The following RNPC3 variants were observed in gnomAD, a reference collection of about 807,000 sequenced individuals.
The protein encoded by RNPC3 is RNA binding region (RNP1, RRM) containing 3.
A neutral mutation model predicts 67.5 loss-of-function variants in RNPC3; 48 were observed. That is an observed-to-expected ratio of 0.71 (90% CI 0.56 to 0.90). The LOEUF (loss-of-function observed/expected upper bound fraction) is 0.90. Ranked by LOEUF, RNPC3 falls within the 40% of genes least tolerant of loss-of-function variation. The probability of loss-of-function intolerance (pLI) is 0.00; values close to 1 mark genes in which losing one functional copy is unlikely to be tolerated. For missense variants in RNPC3, 637 were observed against 626.1 expected (o/e 1.02, Z -0.19); for synonymous variants, 239 against 210.3 (o/e 1.14, Z -1.18).
At chr1:103,554,161 C>T (rs1357055836) in intron 14 of RNPC3, 1 of 152,274 alleles carries the variant, frequency 6.6e-6, no homozygotes, top group Non-Finnish European at 1.5e-5. Flanking sequence ...TGAGACCAGC[C>T]TGGGCAATGT....
At chr1:103,526,290 C>T (rs748608319) in intron 1 of RNPC3, 28 bp downstream of exon 1, 52 of 1,496,294 alleles carry the variant, frequency 3.5e-5, no homozygotes, top group Non-Finnish European at 4.5e-5. Context: ...CGGAGTCTCC[C>T]GGGAAGGCAT....
Position 103,544,970 on chromosome 1 carries a change from A to G in RNPC3, c.1075A>G (p.Asn359Asp). 3 of 1,531,978 alleles carry G rather than the reference A, an allele frequency of 2.0e-6. No homozygotes were observed. In the South Asian group the frequency reaches 3.6e-5, roughly 18 times the overall value. The allele number at this position is 1,531,978 out of a possible 1,614,324, so 94.9% of individuals were successfully genotyped here. Residue 359 changes from asparagine (N) to aspartate (D), a missense_variant, in exon 10 of 15, where the codon AAT (asparagine) becomes GAT (aspartate). By Grantham distance (23) the Asn-to-Asp change is conservative (BLOSUM62 1). Transcript: ENST00000423855. ...DLPATEVDAS[N>D]IGFGKIFPKP... is the part of the protein sequence containing the mutation. Reference sequence around the variant, plus strand: ...ACCTGCTACTGAAGTTGATGCATCCAATATAGGATTTGGAAAAATCTTCCC... The same window carrying G: ...ACCTGCTACTGAAGTTGATGCATCCGATATAGGATTTGGAAAAATCTTCCC...
At position 103,533,869 on chromosome 1, in the gene RNPC3, A is replaced by G; in HGVS notation, c.359+12A>G. The G allele has an allele frequency of 8.0e-7, 1 of 1,254,046 alleles. No individual in the cohort carries two copies. Among genetic ancestry groups the G allele is most frequent in the Non-Finnish European group, 1.1e-6 (1 of 892,678 alleles). 77.7% of individuals were successfully genotyped at this position (1,254,046 alleles called of 1,614,324 possible). A position where few individuals can be genotyped will look rare whatever the true frequency, so the allele number is the denominator to read the frequency against. On this transcript the variant is annotated intron_variant, in intron 3 of 14. Transcript: ENST00000423855. ...GAAAAAAAAAAAAGGTATGTAGATC[A>G]GTAAATCATACATTTTTGTTACATT...
intron 3 of RNPC3, 105 bp from the exon 4 acceptor site, chr1:103,534,669 A>T: frequency 1.7e-5 from 10 of 587,688 alleles, no homozygotes; most frequent in African/African-American, 4.0e-5. Flanking sequence ...TTTTTTAATG[A>T]AGCTGTTTTT....
At chr1:103,550,146 C>G (rs2101053217) in intron 12 of RNPC3, among the ~76,000 whole-genome samples, 1 of 150,438 alleles carries the variant, frequency 6.6e-6, no homozygotes, top group Non-Finnish European at 1.5e-5. Context: ...CCTGGGCAAC[C>G]AAGCAGGACT....
At chr1:103,550,837 T>C in intron 12 of RNPC3, 104 bp from the exon 13 acceptor site, 3 of 1,086,924 alleles carry the variant, frequency 2.8e-6, no homozygotes, top group Non-Finnish European at 4.1e-6. Flanking sequence ...TATCAAATAG[T>C]GTAGTCACTT....
rs544104212 is a variant in RNPC3 at position 103,536,119 on chromosome 1, C to T, written c.556-7C>T. The T allele has an allele frequency of 4.8e-5, 74 of 1,529,348 alleles. No individual in the cohort carries two copies. The African/African-American group carries it at 5.6e-4, about 12-fold the overall frequency. 94.7% of individuals were successfully genotyped at this position (1,529,348 alleles called of 1,614,324 possible). A position where few individuals can be genotyped will look rare whatever the true frequency, so the allele number is the denominator to read the frequency against. On this transcript the variant is annotated splice_region_variant and splice_polypyrimidine_tract_variant and intron_variant, in intron 5 of 14. Transcript: ENST00000423855. ...ATATGTGAATTTAAATGTCTTACCACTTTAAGGTCCTTCATCTTATGAATA... is the reference window on the plus strand; with the variant it reads ...ATATGTGAATTTAAATGTCTTACCATTTTAAGGTCCTTCATCTTATGAATA...
chr1:103,551,362 C>T (rs1379298818), intron 13 of RNPC3: 2 of 368,034 alleles, frequency 5.4e-6, no homozygotes, highest in South Asian at 5.7e-5. Flanking sequence ...TCCAGAAGTA[C>T]ATTTGGAGTC....
intron 9 of RNPC3, among the ~76,000 whole-genome samples, chr1:103,543,969 T>C (rs553813018): frequency 6.6e-6 from 1 of 151,952 alleles, no homozygotes; most frequent in African/African-American, 2.4e-5. Flanking sequence ...GTTTTAACCA[T>C]GAACTTGATG....
At chr1:103,526,843 A>T (rs116899285) in intron 1 of RNPC3, among the ~76,000 whole-genome samples, 3 of 152,312 alleles carry the variant, frequency 2.0e-5, no homozygotes, top group East Asian at 3.9e-4. Context: ...TTTGCTTTAT[A>T]TCCAAAGATA....
intron 2 of RNPC3, among the ~76,000 whole-genome samples, chr1:103,530,365 A>G (rs570244111): frequency 6.6e-6 from 1 of 152,164 alleles, no homozygotes; most frequent in Non-Finnish European, 1.5e-5. Flanking sequence ...ATATTTGAAC[A>G]ACAATTTGAA....
chr1:103,544,673 A>G (rs1651201663), intron 9 of RNPC3, among the ~76,000 whole-genome samples: 1 of 151,740 alleles, frequency 6.6e-6, no homozygotes, highest in South Asian at 2.1e-4. Context: ...CTTTTCAGGT[A>G]GCTCCTTTTT....
Position 103,550,843 on chromosome 1 carries a change from C to T in RNPC3, c.1362-98C>T. 3 of 1,209,334 alleles carry T rather than the reference C, an allele frequency of 2.5e-6. No homozygotes were observed. In the East Asian group the frequency reaches 7.1e-5, roughly 29 times the overall value. 74.9% of individuals were successfully genotyped at this position (1,209,334 alleles called of 1,614,324 possible). ...TGACGTGCCTATCAAATAGTGTAGT[C>T]ACTTTTATTTGAAATAGCAAAATGT... On this transcript the variant is annotated intron_variant, in intron 12 of 14. Transcript: ENST00000423855.
At chr1:103,534,745 A>C (rs1557756884) in intron 3 of RNPC3, 29 bp from the exon 4 acceptor site, 2 of 1,320,510 alleles carry the variant, frequency 1.5e-6, no homozygotes, top group Non-Finnish European at 2.1e-6. Context: ...TTGGAAAGAT[A>C]AGATTAACTT....
intron 14 of RNPC3, 23 bp from the exon 15 acceptor site, chr1:103,555,011 A>T (rs1276411081): frequency 6.6e-6 from 1 of 151,996 alleles, no homozygotes; most frequent in Non-Finnish European, 1.5e-5. Context: ...TCCTATTTTT[A>T]ATGGGCTTTT....
At chr1:103,546,624 T>A (rs1382136779) in intron 11 of RNPC3, 1 of 317,004 alleles carries the variant, frequency 3.2e-6, no homozygotes, top group Non-Finnish European at 5.7e-6. Flanking sequence ...GTCTCACAGT[T>A]CTGGAGGCAA....
chr1:103,535,623 T>C (rs1650965425), intron 5 of RNPC3, among the ~76,000 whole-genome samples, 182 bp downstream of exon 5: 1 of 152,056 alleles, frequency 6.6e-6, no homozygotes, highest in African/African-American at 2.4e-5. Context: ...TATAAGTGGA[T>C]ACTAATAAAC....
At position 103,526,044 on chromosome 1, in the gene RNPC3, A is replaced by C. The variant is rs1470772425; in HGVS notation, c.-27A>C. 3 of 1,488,692 alleles carry C rather than the reference A, an allele frequency of 2.0e-6. No homozygotes were observed. Among genetic ancestry groups the C allele is most frequent in the Non-Finnish European group, 2.7e-6 (3 of 1,108,698 alleles). 92.2% of individuals were successfully genotyped at this position (1,488,692 alleles called of 1,614,324 possible). A position where few individuals can be genotyped will look rare whatever the true frequency, so the allele number is the denominator to read the frequency against. ...ATTTTGACTGAGACTTCTTCCCACG[A>C]TTTCTGTTTTTGCTTCTCCAAGGAA... On this transcript the variant is annotated 5_prime_UTR_variant, in exon 1 of 15. Transcript: ENST00000423855.
At chr1:103,533,025 A>C (rs1386307034) in intron 2 of RNPC3, among the ~76,000 whole-genome samples, 1 of 152,060 alleles carries the variant, frequency 6.6e-6, no homozygotes, top group Non-Finnish European at 1.5e-5. Context: ...GAGGACAGTA[A>C]ATTAACAGTA....
Sources: gnomAD v4.1 joint callset for allele counts (sites outside exome capture counted in the v4.1 genomes callset) on GRCh38, gnomAD v4.1.1 for gene constraint, MANE v1.5 for transcripts, NCBI Gene and HGNC (gene_info 2026-07-23, HGNC 2026-07-21) for gene names.